Variants in CCDC91 observed in about 807,000 individuals in gnomAD.
CCDC91 encodes coiled-coil domain containing 91.
CCDC91 carries 48 observed loss-of-function variants against 63.2 expected under a neutral mutation model. The ratio of observed to expected loss-of-function variants is 0.76; its 90% CI spans 0.60 to 0.97. The LOEUF is 0.97. Among genes scored for constraint, CCDC91 ranks in the 50% least tolerant of loss-of-function variants. CCDC91 has a pLI of 0.00. For missense variants in CCDC91, 500 were observed against 494.6 expected (o/e 1.01, Z -0.10); for synonymous variants, 167 against 165.8 (o/e 1.01, Z -0.06).
chr12:28,270,252 C>T (rs1262109119), intron 3 of CCDC91, among the ~76,000 whole-genome samples: 1 of 151,872 alleles, frequency 6.6e-6, no homozygotes, highest in Non-Finnish European at 1.5e-5. Flanking sequence ...GTACTTAGAA[C>T]ACAAAGATGT....
intron 12 of CCDC91, among the ~76,000 whole-genome samples, chr12:28,488,356 T>G (rs1039282009): frequency 2.6e-5 from 4 of 151,794 alleles, no homozygotes; most frequent in African/African-American, 9.7e-5. Flanking sequence ...GTCAGATACA[T>G]AGTACTTGTA....
At chr12:28,326,525 T>C (rs1334648905) in intron 6 of CCDC91, among the ~76,000 whole-genome samples, 1 of 149,812 alleles carries the variant, frequency 6.7e-6, no homozygotes, top group African/African-American at 2.4e-5. Flanking sequence ...GCATTAGGTA[T>C]ATCTCCCAAT....
At chr12:28,396,539 A>G (rs1946295640) in intron 8 of CCDC91, among the ~76,000 whole-genome samples, 1 of 152,002 alleles carries the variant, frequency 6.6e-6, no homozygotes, top group African/African-American at 2.4e-5. Context: ...TGTGTGGGTA[A>G]GAATAGAGAG....
chr12:28,295,899 CAG>C (rs1410547188), intron 3 of CCDC91, among the ~76,000 whole-genome samples: 1 of 151,878 alleles, frequency 6.6e-6, no homozygotes, highest in Non-Finnish European at 1.5e-5. Context: ...TTTGTTCACT[CAG>C]TGTGAGCAAG....
chr12:28,347,401 T>C lies in CCDC91; in HGVS notation c.577-15037T>C, dbSNP rs144144708. Among the ~76,000 whole-genome samples, 47 of 152,342 alleles carry C rather than the reference T, an allele frequency of 3.1e-4. 1 individual carries two copies. In the East Asian group the frequency reaches 8.5e-3, roughly 27 times the overall value. ...TGTTACTTCTTCTTCTGTCCATTAG[T>C]ACCCTATCTTTTTCACCTTTGGAAG... On this transcript the variant is annotated intron_variant, in intron 6 of 12. Transcript: ENST00000536442.
intron 6 of CCDC91, among the ~76,000 whole-genome samples, chr12:28,317,295 T>C (rs1364551431): frequency 6.6e-6 from 1 of 152,050 alleles, no homozygotes; most frequent in Non-Finnish European, 1.5e-5. Context: ...ATACTATTGT[T>C]AATACCATAT....
intron 8 of CCDC91, among the ~76,000 whole-genome samples, chr12:28,393,470 C>G (rs1198469275): frequency 6.6e-6 from 1 of 150,486 alleles, no homozygotes; most frequent in Non-Finnish European, 1.5e-5. Flanking sequence ...TCATATTTGT[C>G]TGTCTGTCTC....
At chr12:28,445,299 T>C (rs1486344770) in intron 8 of CCDC91, among the ~76,000 whole-genome samples, 1 of 152,142 alleles carries the variant, frequency 6.6e-6, no homozygotes, top group Non-Finnish European at 1.5e-5. Context: ...TAATCTATCC[T>C]ACCTCTTAGT....
chr12:28,296,382 A>G (rs1208587644), intron 3 of CCDC91, among the ~76,000 whole-genome samples: 1 of 151,904 alleles, frequency 6.6e-6, no homozygotes, highest in African/African-American at 2.4e-5. Context: ...TTATTCCTCA[A>G]AGAAGCGAGT....
At chr12:28,431,963 G>A (rs549287958) in intron 8 of CCDC91, among the ~76,000 whole-genome samples, 3 of 151,896 alleles carry the variant, frequency 2.0e-5, no homozygotes, top group Non-Finnish European at 2.9e-5. Flanking sequence ...CCAGAAGGTC[G>A]TATATTTGGA....
At chr12:28,424,726 T>G (rs1165509683) in intron 8 of CCDC91, among the ~76,000 whole-genome samples, 3 of 152,184 alleles carry the variant, frequency 2.0e-5, no homozygotes, top group Non-Finnish European at 4.4e-5. Flanking sequence ...ATACTAATAT[T>G]GTCTTTAGCT....
At chr12:28,433,573 T>C (rs1307403563) in intron 8 of CCDC91, among the ~76,000 whole-genome samples, 1 of 151,998 alleles carries the variant, frequency 6.6e-6, no homozygotes, top group East Asian at 1.9e-4. Context: ...TATTTGTTGA[T>C]TCATGTGCCA....
chr12:28,507,967 G>A (rs561714277), intron 12 of CCDC91, among the ~76,000 whole-genome samples: 1 of 152,048 alleles, frequency 6.6e-6, no homozygotes, highest in South Asian at 2.1e-4. Context: ...CTGATCTTTT[G>A]TACCCATACA....
At chr12:28,423,243 A>G (rs1948117106) in intron 8 of CCDC91, among the ~76,000 whole-genome samples, 1 of 152,146 alleles carries the variant, frequency 6.6e-6, no homozygotes, top group Non-Finnish European at 1.5e-5. Flanking sequence ...TTCAAAAAGA[A>G]TATTTATATT....
At chr12:28,251,971 A>G (rs1030103540) in intron 1 of CCDC91, among the ~76,000 whole-genome samples, 1 of 152,134 alleles carries the variant, frequency 6.6e-6, no homozygotes, top group African/African-American at 2.4e-5. Flanking sequence ...CTTTTAAAGA[A>G]AGTGTGCAAT....
intron 3 of CCDC91, chr12:28,268,611 G>C: frequency 1.0e-6 from 1 of 976,788 alleles, no homozygotes; most frequent in Non-Finnish European, 1.2e-6. Context: ...TTGTTCGTTA[G>C]AATGAGGGCT....
At chr12:28,484,274 C>T in intron 12 of CCDC91, 109 bp downstream of exon 12, 1 of 506,832 alleles carries the variant, frequency 2.0e-6, no homozygotes. Context: ...TGTCATCTAA[C>T]TTACGGATCT....
intron 8 of CCDC91, among the ~76,000 whole-genome samples, chr12:28,393,378 AATTT>A (rs1378553340): frequency 1.3e-5 from 2 of 151,036 alleles, no homozygotes; most frequent in African/African-American, 4.9e-5. Context: ...TTCTTTTTGA[AATTT>A]TTTTTTTTTT....
chr12:28,320,073 A>C (rs1940327535), intron 6 of CCDC91, among the ~76,000 whole-genome samples: 1 of 151,958 alleles, frequency 6.6e-6, no homozygotes. Flanking sequence ...GTTTATGTGA[A>C]TACATTTCAG....
Sources: gnomAD v4.1 joint callset for allele counts (sites outside exome capture counted in the v4.1 genomes callset) on GRCh38, gnomAD v4.1.1 for gene constraint, MANE v1.5 for transcripts, NCBI Gene and HGNC (gene_info 2026-07-23, HGNC 2026-07-21) for gene names.